Variants in NAV2 observed in about 807,000 individuals in gnomAD.
The protein encoded by NAV2 is helicase, APC down-regulated 1.
NAV2 carries 54 observed loss-of-function variants against 223.2 expected under a neutral mutation model. The ratio of observed to expected loss-of-function variants is 0.24; its 90% CI spans 0.19 to 0.30. The LOEUF (loss-of-function observed/expected upper bound fraction) is 0.30, where lower values mean the gene tolerates loss of function less well. Ranked by LOEUF, NAV2 falls within the 10% of genes least tolerant of loss-of-function variation. The pLI is 1.00. For missense variants in NAV2, 2,806 were observed against 3,147.5 expected, an observed-to-expected ratio of 0.89 and a Z score of 2.60; for synonymous variants, 1,279 against 1,239.3, an observed-to-expected ratio of 1.03 and a Z score of -0.67.
chr11:19,714,061 C>T (rs529304524), intron 1 of NAV2, 99 bp downstream of exon 1: 3 of 1,474,118 alleles, frequency 2.0e-6, no homozygotes, highest in Non-Finnish European at 2.8e-6. Flanking sequence ...GAAGGGTCTA[C>T]CATGTGGCCA....
intron 1 of NAV2, among the ~76,000 whole-genome samples, chr11:19,352,078 T>G (rs1285567958): frequency 6.6e-6 from 1 of 152,166 alleles, no homozygotes; most frequent in Non-Finnish European, 1.5e-5. Flanking sequence ...AAACATTTTA[T>G]AAATATTGAC....
In NAV2 at chr11:20,120,203, T is replaced by G. The variant is rs2063402215; in HGVS notation, c.*1945T>G. ...TGACCCGAAACTGCTCACTTCACAT[T>G]GGATGACACCATGTTCTTCCTCTTT... On this transcript the variant is annotated 3_prime_UTR_variant, in exon 38 of 38. Coordinates refer to ENST00000349880, the MANE Select transcript of NAV2 (RefSeq NM_145117.5). 1 of 152,196 alleles carries G rather than the reference T, an allele frequency of 6.6e-6. No individual in the cohort carries two copies. Among genetic ancestry groups the G allele is most frequent in the South Asian group, 2.1e-4 (1 of 4,828 alleles). 9.4% of individuals were successfully genotyped at this position (152,196 alleles called of 1,614,324 possible). A position where few individuals can be genotyped will look rare whatever the true frequency, so the allele number is the denominator to read the frequency against.
intron 1 of NAV2, among the ~76,000 whole-genome samples, chr11:19,439,014 A>G (rs978760694): frequency 6.6e-6 from 1 of 152,078 alleles, no homozygotes; most frequent in African/African-American, 2.4e-5. Context: ...GAGAGGGCTG[A>G]TTGCTCCAAT....
At chr11:19,353,685 T>C (rs894295193) in intron 1 of NAV2, among the ~76,000 whole-genome samples, 1 of 152,212 alleles carries the variant, frequency 6.6e-6, no homozygotes, top group Non-Finnish European at 1.5e-5. Flanking sequence ...AATGTGGGCT[T>C]TCTTTTTTTC....
At chr11:19,954,360 G>T (rs2165801) in intron 10 of NAV2, among the ~76,000 whole-genome samples, 138,275 of 152,218 alleles carry the variant, frequency 0.91, 62,893 homozygotes, top group East Asian at 0.98. Flanking sequence ...AGATGCCTGC[G>T]GGGAGACTCC....
At chr11:19,957,619 C>G (rs2047988283) in intron 10 of NAV2, among the ~76,000 whole-genome samples, 1 of 152,180 alleles carries the variant, frequency 6.6e-6, no homozygotes. Context: ...GTGCAGGAAA[C>G]CTACTAGCCC....
rs193063624 is a variant in NAV2 at position 19,532,714 on chromosome 11, T to C, written c.75+181687T>C. 1.1e-4 allele frequency among the ~76,000 whole-genome samples: 16 copies of C among 152,312 alleles called. No homozygotes were observed. In the East Asian group the frequency reaches 3.1e-3, roughly 29 times the overall value. On this transcript the variant is annotated intron_variant, in intron 1 of 37. Transcript: ENST00000360655. ...AAAGCCCCCTGCCTCCCTGCTGGGA[T>C]TGATGCATAATTCTTGAGCTAAACT...
chr11:19,776,632 A>ATGTGTTTGTG (rs2056216988), intron 1 of NAV2, among the ~76,000 whole-genome samples: 1 of 64,616 alleles, frequency 1.5e-5, no homozygotes, highest in Non-Finnish European at 3.1e-5. Context: ...GGGTCAGAAA[A>ATGTGTTTGTG]TGTGTGTGTG....
intron 6 of NAV2, among the ~76,000 whole-genome samples, chr11:19,927,820 G>A (rs1156547802): frequency 6.6e-6 from 1 of 152,152 alleles, no homozygotes; most frequent in Admixed American, 6.5e-5. Flanking sequence ...ATATTTTTCA[G>A]TTTAACATGT....
At chr11:20,001,985 C>A (rs1403712965) in intron 11 of NAV2, among the ~76,000 whole-genome samples, 1 of 152,192 alleles carries the variant, frequency 6.6e-6, no homozygotes, top group African/African-American at 2.4e-5. Flanking sequence ...GCACTTCTTT[C>A]TCACAGTTCT....
At position 19,457,660 on chromosome 11, in the gene NAV2, G is replaced by A. The variant is rs558184728; in HGVS notation, c.75+106633G>A. On this transcript the variant is annotated intron_variant, in intron 1 of 37. Coordinates refer to the NAV2 transcript ENST00000360655. ...CATGAAGTGAAGGGTGAATTGTAGGGAGTGGGAGAGAGGAGAACAGGAAGG... is the reference window on the plus strand; with the variant it reads ...CATGAAGTGAAGGGTGAATTGTAGGAAGTGGGAGAGAGGAGAACAGGAAGG... Among the ~76,000 whole-genome samples, 7 of 152,320 alleles carry A rather than the reference G, an allele frequency of 4.6e-5. No individual in the cohort carries two copies. In the South Asian group the frequency reaches 8.3e-4, roughly 18 times the overall value.
At chr11:19,915,275 T>A (rs192861879) in intron 6 of NAV2, among the ~76,000 whole-genome samples, 1 of 152,256 alleles carries the variant, frequency 6.6e-6, no homozygotes, top group Non-Finnish European at 1.5e-5. Flanking sequence ...TCAGAAGTTA[T>A]CTCATTTTCG....
At chr11:19,376,095 A>C (rs935020323) in intron 1 of NAV2, among the ~76,000 whole-genome samples, 3 of 152,232 alleles carry the variant, frequency 2.0e-5, no homozygotes, top group Non-Finnish European at 2.9e-5. Flanking sequence ...TAAAAGCCAG[A>C]TATGTCGCAG....
In NAV2 at chr11:19,787,379, G is replaced by C. The variant is rs180833194; in HGVS notation, c.268-45105G>C. ...GATCCTTCTGCCTCAGCCTCCTAAA[G>C]TGTTGGGATTACAGACGTGAACCAC... On this transcript the variant is annotated intron_variant, in intron 1 of 37. Coordinates refer to ENST00000349880, the MANE Select transcript of NAV2 (RefSeq NM_145117.5). Among the ~76,000 whole-genome samples, 232 of 144,632 alleles carry C rather than the reference G, an allele frequency of 1.6e-3. 1 individual carries two copies. The South Asian group carries it at 0.021, about 13-fold the overall frequency. 94.9% of individuals were successfully genotyped at this position (144,632 alleles called of 152,430 possible).
chr11:19,954,433 T>G (rs1016466466), intron 10 of NAV2, among the ~76,000 whole-genome samples: 1 of 152,166 alleles, frequency 6.6e-6, no homozygotes, highest in African/African-American at 2.4e-5. Flanking sequence ...TCAGTATCCA[T>G]GAGGGATTGG....
intron 6 of NAV2, among the ~76,000 whole-genome samples, chr11:19,908,983 T>C (rs1258037019): frequency 2.0e-5 from 3 of 152,182 alleles, no homozygotes; most frequent in Non-Finnish European, 4.4e-5. Context: ...CTAAAAACCA[T>C]TGAATCACTC....
intron 10 of NAV2, among the ~76,000 whole-genome samples, chr11:19,950,778 T>G (rs2047328883): frequency 6.6e-6 from 1 of 152,196 alleles, no homozygotes; most frequent in Non-Finnish European, 1.5e-5. Context: ...ACAAATTTAC[T>G]TAATGTATAT....
At chr11:20,027,215 C>T (rs961145818) in intron 11 of NAV2, 1 of 964,972 alleles carries the variant, frequency 1.0e-6, no homozygotes, top group African/African-American at 1.8e-5. Context: ...TGTAGGTAGC[C>T]AAACCCTTTC....
intron 12 of NAV2, among the ~76,000 whole-genome samples, chr11:20,039,457 C>T (rs970384867): frequency 3.3e-5 from 5 of 152,128 alleles, no homozygotes; most frequent in African/African-American, 7.2e-5. Context: ...TCCTTCCCTT[C>T]GTCCCTTCCC....
Sources: gnomAD v4.1 joint callset for allele counts (sites outside exome capture counted in the v4.1 genomes callset) on GRCh38, gnomAD v4.1.1 for gene constraint, MANE v1.5 for transcripts, NCBI Gene and HGNC (gene_info 2026-07-23, HGNC 2026-07-21) for gene names.